Variants in ZMYND11 observed in about 807,000 individuals in gnomAD.
ZMYND11 encodes zinc finger MYND-type containing 11.
Under a neutral mutation model 84.9 loss-of-function variants are expected in ZMYND11, and 9 were observed. That is an observed-to-expected ratio of 0.11 (90% CI 0.06 to 0.18). ZMYND11 has a LOEUF of 0.18. Among genes scored for constraint, ZMYND11 ranks in the 10% least tolerant of loss-of-function variants. The pLI, the probability that ZMYND11 is intolerant of heterozygous loss-of-function variation, is 1.00. For synonymous variants in ZMYND11, 250 were observed against 244.1 expected, an observed-to-expected ratio of 1.02 and a Z score of -0.23; for missense variants, 409 against 761.0, an observed-to-expected ratio of 0.54 and a Z score of 5.44.
intron 1 of ZMYND11, among the ~76,000 whole-genome samples, chr10:166,667 T>G (rs1844090690): frequency 1.3e-5 from 2 of 152,104 alleles, no homozygotes; most frequent in Admixed American, 1.3e-4. Context: ...TGCAGCTGCT[T>G]ATGAAAAAGA....
At chr10:218,595 TG>T in intron 3 of ZMYND11, 1 of 231,178 alleles carries the variant, frequency 4.3e-6, no homozygotes, top group South Asian at 5.1e-5. Context: ...AGTTAACTCT[TG>T]CTAGATTTGT....
intron 2 of ZMYND11, among the ~76,000 whole-genome samples, chr10:196,304 A>G (rs1261343730): frequency 1.3e-5 from 2 of 152,196 alleles, no homozygotes; most frequent in Non-Finnish European, 2.9e-5. Flanking sequence ...TATTGTTGTA[A>G]GTAGAATTCT....
At chr10:192,302 A>G (rs868407074) in intron 2 of ZMYND11, among the ~76,000 whole-genome samples, 1 of 152,170 alleles carries the variant, frequency 6.6e-6, no homozygotes, top group East Asian at 1.9e-4. Context: ...ACTGGACTAC[A>G]TTTTGCATCC....
upstream of ZMYND11, among the ~76,000 whole-genome samples, chr10:133,374 A>G (rs914309997): frequency 6.6e-6 from 1 of 152,220 alleles, no homozygotes; most frequent in African/African-American, 2.4e-5. Flanking sequence ...CTTAGTGGAT[A>G]AATACCACCT....
At chr10:245,911 G>C (rs564746246) in intron 10 of ZMYND11, among the ~76,000 whole-genome samples, 1 of 152,168 alleles carries the variant, frequency 6.6e-6, no homozygotes, top group African/African-American at 2.4e-5. Context: ...CTTAACACCT[G>C]TGGGCAGCAT....
At chr10:227,859 A>AAAAT (rs1948390831) in intron 4 of ZMYND11, among the ~76,000 whole-genome samples, 6 of 152,324 alleles carry the variant, frequency 3.9e-5, no homozygotes, top group Middle Eastern at 3.4e-3. Flanking sequence ...ATACATATTA[A>AAAAT]CAAATCTAGA....
chr10:219,189 G>A (rs1464798933), intron 3 of ZMYND11, among the ~76,000 whole-genome samples: 1 of 152,166 alleles, frequency 6.6e-6, no homozygotes, highest in African/African-American at 2.4e-5. Context: ...TTTAATGGGT[G>A]GATGGGGAAA....
At chr10:237,365 G>A (rs545229958) in intron 5 of ZMYND11, among the ~76,000 whole-genome samples, 12 of 152,202 alleles carry the variant, frequency 7.9e-5, no homozygotes, top group East Asian at 7.7e-4. Context: ...AATATTGGCC[G>A]GGCGCCGTGG....
At chr10:198,824 T>G (rs1356859159) in intron 2 of ZMYND11, among the ~76,000 whole-genome samples, 1 of 152,234 alleles carries the variant, frequency 6.6e-6, no homozygotes, top group Non-Finnish European at 1.5e-5. Context: ...AAATATAGAT[T>G]AGAGAGATGC....
chr10:209,295 CAG>C (rs952814945), intron 2 of ZMYND11, among the ~76,000 whole-genome samples: 5 of 152,016 alleles, frequency 3.3e-5, no homozygotes, highest in African/African-American at 1.2e-4. Context: ...AACGGTAAAT[CAG>C]GGAATGTTTG....
At chr10:213,176 C>T (rs558380966) in intron 3 of ZMYND11, among the ~76,000 whole-genome samples, 15 of 152,240 alleles carry the variant, frequency 9.9e-5, no homozygotes, top group Non-Finnish European at 2.1e-4. Flanking sequence ...GCCCCATCCA[C>T]ATCACAGACA....
At chr10:224,253 G>A (rs904276780) in intron 4 of ZMYND11, among the ~76,000 whole-genome samples, 8 of 152,026 alleles carry the variant, frequency 5.3e-5, no homozygotes, top group Non-Finnish European at 8.8e-5. Context: ...TTTATCTTAC[G>A]TATCTATTTC....
chr10:172,626 A>G lies in ZMYND11; in HGVS notation c.-19-7368A>G, dbSNP rs147853867. On this transcript the variant is annotated intron_variant, in intron 1 of 14. Transcript: ENST00000381604. The stretch of plus-strand genomic sequence containing the variant: ...GATTAAATAAATGATGAGATATTCC[A>G]TGTTCATGGATAGGAAAACAATATT... 2.5e-3 allele frequency among the ~76,000 whole-genome samples: 383 copies of G among 152,302 alleles called. 4 individuals are homozygous for G. Among genetic ancestry groups the G allele is most frequent in the African/African-American group, 8.9e-3 (371 of 41,576 alleles).
intron 3 of ZMYND11, among the ~76,000 whole-genome samples, chr10:211,429 A>G (rs979280595): frequency 5.3e-5 from 8 of 152,182 alleles, no homozygotes; most frequent in African/African-American, 1.9e-4. Context: ...TTCTTTGTGG[A>G]AAAATTTTCC....
intron 11 of ZMYND11, 81 bp from the exon 12 acceptor site, chr10:247,317 T>C: frequency 2.1e-6 from 3 of 1,463,410 alleles, no homozygotes; most frequent in Non-Finnish European, 1.9e-6. Flanking sequence ...ACTTCTCACC[T>C]GTGGGTCCAC....
chr10:242,290 T>A, intron 10 of ZMYND11, 151 bp downstream of exon 10: 1 of 1,287,468 alleles, frequency 7.8e-7, no homozygotes, highest in Non-Finnish European at 1.1e-6. Flanking sequence ...CCAAGATAAA[T>A]TGTTTCCAGA....
At chr10:186,823 A>G (rs1020510977) in intron 2 of ZMYND11, among the ~76,000 whole-genome samples, 2 of 152,036 alleles carry the variant, frequency 1.3e-5, no homozygotes, top group African/African-American at 4.8e-5. Context: ...GTTCCATCTA[A>G]TTGTGATGGT....
intron 9 of ZMYND11, 70 bp downstream of exon 9, chr10:241,040 G>C: frequency 1.6e-6 from 2 of 1,262,148 alleles, no homozygotes; most frequent in South Asian, 1.3e-5. Flanking sequence ...TTTGGTTAAA[G>C]ATTATAATTT....
At chr10:199,410 ATT>A (rs1161006484) in intron 2 of ZMYND11, among the ~76,000 whole-genome samples, 1 of 150,638 alleles carries the variant, frequency 6.6e-6, no homozygotes, top group Non-Finnish European at 1.5e-5. Context: ...TCTTATCCTT[ATT>A]ATATACACTG....
Sources: gnomAD v4.1 joint callset for allele counts (sites outside exome capture counted in the v4.1 genomes callset) on GRCh38, gnomAD v4.1.1 for gene constraint, MANE v1.5 for transcripts, NCBI Gene and HGNC (gene_info 2026-07-23, HGNC 2026-07-21) for gene names.